ZNF385D: variants seen among roughly 807,000 people sequenced by gnomAD.
ZNF385D encodes zinc finger protein 385D.
ZNF385D carries 15 observed loss-of-function variants against 35.8 expected under a neutral mutation model. The ratio of observed to expected loss-of-function variants is 0.42; its 90% confidence interval spans 0.28 to 0.64. The LOEUF (loss-of-function observed/expected upper bound fraction) is 0.64. Among genes scored for constraint, ZNF385D ranks in the 30% least tolerant of loss-of-function variants. The probability of loss-of-function intolerance (pLI) is 0.23; values close to 1 mark genes in which losing one functional copy is unlikely to be tolerated. For synonymous variants in ZNF385D, 212 were observed against 186.8 expected (o/e 1.13, Z -1.10); for missense variants, 474 against 494.6 (o/e 0.96, Z 0.39).
intron 2 of ZNF385D, among the ~76,000 whole-genome samples, chr3:21,610,935 C>T (rs963011784): frequency 6.6e-6 from 1 of 152,172 alleles, no homozygotes; most frequent in Non-Finnish European, 1.5e-5. Flanking sequence ...GGTTTCTTCG[C>T]ATTCAGTTTC....
chr3:21,720,351 C>G (rs1390013630), intron 1 of ZNF385D, among the ~76,000 whole-genome samples: 1 of 152,170 alleles, frequency 6.6e-6, no homozygotes, highest in Non-Finnish European at 1.5e-5. Flanking sequence ...CCCAGAAGTT[C>G]TAAACCAGCC....
At chr3:22,281,496 T>C (rs573663750) in intron 2 of ZNF385D, among the ~76,000 whole-genome samples, 1 of 152,142 alleles carries the variant, frequency 6.6e-6, no homozygotes, top group African/African-American at 2.4e-5. Flanking sequence ...GAAATAATCA[T>C]GTGATTTTTA....
chr3:22,026,910 A>G (rs1349812279), intron 3 of ZNF385D, among the ~76,000 whole-genome samples: 2 of 152,158 alleles, frequency 1.3e-5, no homozygotes, highest in Non-Finnish European at 2.9e-5. Flanking sequence ...ATGGTGGTGG[A>G]TTATTGTAAG....
intron 3 of ZNF385D, among the ~76,000 whole-genome samples, chr3:21,898,007 G>C (rs73042644): frequency 0.075 from 11,448 of 152,014 alleles, 607 homozygotes; most frequent in Middle Eastern, 0.13. Flanking sequence ...CCACCTAGAG[G>C]TTTATTTTAT....
intron 3 of ZNF385D, among the ~76,000 whole-genome samples, chr3:21,813,028 T>C (rs2072999520): frequency 6.6e-6 from 1 of 152,182 alleles, no homozygotes; most frequent in African/African-American, 2.4e-5. Flanking sequence ...CAACATTTGC[T>C]GTTCTGCAAT....
chr3:21,887,606 G>C (rs576730991), intron 3 of ZNF385D, among the ~76,000 whole-genome samples: 1 of 152,152 alleles, frequency 6.6e-6, no homozygotes, highest in East Asian at 1.9e-4. Flanking sequence ...AATTGTTTAG[G>C]AGAAAAATCG....
At chr3:21,457,028 G>A (rs1702867531) in intron 4 of ZNF385D, among the ~76,000 whole-genome samples, 1 of 152,030 alleles carries the variant, frequency 6.6e-6, no homozygotes, top group Non-Finnish European at 1.5e-5. Context: ...ACCCTCTACT[G>A]GAATGTAAAA....
chr3:21,775,377 G>C (rs2071244710), intron 3 of ZNF385D, among the ~76,000 whole-genome samples: 1 of 151,634 alleles, frequency 6.6e-6, no homozygotes, highest in East Asian at 1.9e-4. Flanking sequence ...TGACCAGTGA[G>C]GAATTGCCTC....
chr3:21,618,054 C>A (rs1411085097), intron 2 of ZNF385D, among the ~76,000 whole-genome samples: 2 of 151,988 alleles, frequency 1.3e-5, no homozygotes. Flanking sequence ...GTGTCCCCCA[C>A]CTCCCTGCAA....
chr3:22,224,979 A>G (rs936085200), intron 2 of ZNF385D, among the ~76,000 whole-genome samples: 2 of 152,158 alleles, frequency 1.3e-5, no homozygotes, highest in Admixed American at 1.3e-4. Context: ...GATTTCTGAA[A>G]ACACACCATG....
intron 5 of ZNF385D, chr3:21,436,708 G>A (rs1264841026): frequency 2.5e-6 from 1 of 393,452 alleles, no homozygotes; most frequent in Non-Finnish European, 4.5e-6. Context: ...ACACATTTTA[G>A]GATTGTATTT....
intron 3 of ZNF385D, among the ~76,000 whole-genome samples, chr3:21,825,591 A>G (rs1303830469): frequency 4.6e-5 from 7 of 152,138 alleles, no homozygotes; most frequent in Non-Finnish European, 1.5e-5. Flanking sequence ...TTTCATTGGC[A>G]TTGTCTTTCC....
chr3:21,606,703 A>G (rs971426353), intron 2 of ZNF385D, among the ~76,000 whole-genome samples: 1 of 152,220 alleles, frequency 6.6e-6, no homozygotes, highest in Non-Finnish European at 1.5e-5. Flanking sequence ...GCCATCTGCA[A>G]GACAGTGACT....
intron 2 of ZNF385D, among the ~76,000 whole-genome samples, chr3:22,339,048 TATAG>T (rs1300646844): frequency 6.6e-6 from 1 of 152,088 alleles, no homozygotes; most frequent in Non-Finnish European, 1.5e-5. Context: ...AATACATATA[TATAG>T]AGAGATGATA....
chr3:22,124,580 A>G (rs554120033), intron 3 of ZNF385D, among the ~76,000 whole-genome samples: 3 of 152,236 alleles, frequency 2.0e-5, no homozygotes, highest in Non-Finnish European at 4.4e-5. Flanking sequence ...TCTCGCCAGA[A>G]TTCATTATTG....
At chr3:21,529,262 A>G (rs565148532) in intron 3 of ZNF385D, among the ~76,000 whole-genome samples, 1 of 152,244 alleles carries the variant, frequency 6.6e-6, no homozygotes, top group Non-Finnish European at 1.5e-5. Flanking sequence ...CCACAGTGCA[A>G]TCGAATTTTG....
intron 3 of ZNF385D, among the ~76,000 whole-genome samples, chr3:22,022,760 GAACATAT>G (rs901474586): frequency 2.0e-5 from 3 of 152,012 alleles, no homozygotes; most frequent in African/African-American, 4.8e-5. Flanking sequence ...AAAAATTCAA[GAACATAT>G]AACATTTAAA....
At chr3:21,604,901 G>T (rs1308993632) in intron 2 of ZNF385D, among the ~76,000 whole-genome samples, 1 of 152,172 alleles carries the variant, frequency 6.6e-6, no homozygotes, top group Non-Finnish European at 1.5e-5. Flanking sequence ...GTTTGTTTAT[G>T]TATGAAAGAT....
intron 1 of ZNF385D, among the ~76,000 whole-genome samples, chr3:21,687,525 C>T (rs186251465): frequency 6.4e-4 from 98 of 152,162 alleles, no homozygotes; most frequent in Non-Finnish European, 1.2e-3. Flanking sequence ...ATCAACATCC[C>T]CCACCAGAGT....
Sources: gnomAD v4.1 joint callset for allele counts (sites outside exome capture counted in the v4.1 genomes callset) on GRCh38, gnomAD v4.1.1 for gene constraint, MANE v1.5 for transcripts, NCBI Gene and HGNC (gene_info 2026-07-23, HGNC 2026-07-21) for gene names.